COL4A5: variants seen among roughly 807,000 people sequenced by gnomAD.
COL4A5 encodes collagen alpha-5(IV) chain.
A neutral mutation model predicts 130.2 loss-of-function variants in COL4A5; 26 were observed. That is an observed-to-expected ratio of 0.20 (90% CI 0.15 to 0.28). The LOEUF (loss-of-function observed/expected upper bound fraction) is 0.28, where lower values mean the gene tolerates loss of function less well. Among genes scored for constraint, COL4A5 ranks in the 10% least tolerant of loss-of-function variants. The pLI is 1.00. For synonymous variants in COL4A5, 496 were observed against 439.6 expected, an observed-to-expected ratio of 1.13 and a Z score of -1.60; for missense variants, 1,131 against 1,344.3, an observed-to-expected ratio of 0.84 and a Z score of 2.48.
At chrX:108,529,980 G>T (rs2065364486) in intron 1 of COL4A5, among the ~76,000 whole-genome samples, 2 of 111,261 alleles carry the variant, frequency 1.8e-5, no homozygotes, top group South Asian at 7.6e-4. Context: ...TCCACTCTCA[G>T]CATTTAGACA....
chrX:108,678,932 TC>T (rs1352810168), intron 44 of COL4A5, among the ~76,000 whole-genome samples: 1 of 111,773 alleles, frequency 8.9e-6, no homozygotes, highest in Non-Finnish European at 1.9e-5. Context: ...TTTCTTTTTT[TC>T]ATGACCTCGA....
At chrX:108,605,966 C>G (rs1459918657) in intron 28 of COL4A5, among the ~76,000 whole-genome samples, 1 of 111,896 alleles carries the variant, frequency 8.9e-6, no homozygotes, top group East Asian at 2.8e-4. Flanking sequence ...GTTAAGCTTT[C>G]CTGAGTCAAC....
intron 37 of COL4A5, among the ~76,000 whole-genome samples, chrX:108,664,993 A>G (rs2068046949): frequency 8.9e-6 from 1 of 112,262 alleles, no homozygotes; most frequent in Non-Finnish European, 1.9e-5. Context: ...GTTTTTAAAT[A>G]AAACACAACA....
At position 108,614,935 on chromosome X, in the gene COL4A5, C is replaced by A; in HGVS notation, c.2420C>A (p.Pro807His). 1 of 1,209,499 alleles carries A rather than the reference C, an allele frequency of 8.3e-7. No individual in the cohort carries two copies. Among genetic ancestry groups the A allele is most frequent in the Non-Finnish European group, 1.1e-6 (1 of 893,605 alleles). ...GGTGATGTTGGACCAAATGGACAAC[C>A]TGGACCAATGGGACCTCCTGGGCTG... Reference protein sequence around the residue: ...PKGDVGPNGQPGPMGPPGLPG... With the variant: ...PKGDVGPNGQHGPMGPPGLPG... The change falls in exon 30 of 53, where the codon CCT becomes CAT. Residue 807 changes from proline to histidine, a missense_variant. Pro to His is a moderately conservative substitution (Grantham distance 77). Transcript: ENST00000328300.
At chrX:108,668,234 G>A (rs750503789) in intron 40 of COL4A5, 85 bp from the exon 41 acceptor site, 34 of 894,897 alleles carry the variant, frequency 3.8e-5, no homozygotes, top group Non-Finnish European at 5.1e-5. Context: ...TCCATTAATT[G>A]CCCTAATGTA....
In COL4A5 at chrX:108,539,952, A is replaced by G. The variant is rs1259261605; in HGVS notation, c.141+147A>G. On this transcript the variant is annotated intron_variant, in intron 2 of 52. Transcript: ENST00000328300. ...GCATTGCTTATTTTAGAGAGCTTATAAGGATTAGATTATATCTTAAGGTCA... is the reference window on the plus strand; with the variant it reads ...GCATTGCTTATTTTAGAGAGCTTATGAGGATTAGATTATATCTTAAGGTCA... 1.2e-5 allele frequency: 6 copies of G among 507,909 alleles called. No homozygotes were observed. The East Asian group carries it at 1.9e-4, about 16-fold the overall frequency. 41.9% of individuals were successfully genotyped at this position (507,909 alleles called of 1,213,427 possible).
chrX:108,442,816 G>C (rs1457444644), intron 1 of COL4A5: 1 of 111,356 alleles, frequency 9.0e-6, no homozygotes, highest in East Asian at 2.8e-4. Flanking sequence ...GTGCTAATAT[G>C]ATAATACATA....
chrX:108,655,558 C>A, intron 37 of COL4A5, 101 bp downstream of exon 37: 1 of 948,239 alleles, frequency 1.1e-6, no homozygotes, highest in South Asian at 2.0e-5. Context: ...ATTTTATTTC[C>A]CAATCAGATA....
intron 1 of COL4A5, among the ~76,000 whole-genome samples, chrX:108,501,018 T>A (rs945703717): frequency 1.8e-5 from 2 of 110,629 alleles, no homozygotes; most frequent in Non-Finnish European, 3.8e-5. Flanking sequence ...GGTGAAAAAA[T>A]TTGCCTAATT....
chrX:108,473,631 A>ATTTTTTTTTT (rs1406126217), intron 1 of COL4A5, among the ~76,000 whole-genome samples: 13 of 26,474 alleles, frequency 4.9e-4, no homozygotes, highest in African/African-American at 1.8e-3. Flanking sequence ...ATATATATAT[A>ATTTTTTTTTT]TATTTTTTTT....
In COL4A5 at chrX:108,475,746, C is replaced by T. The variant is rs190966141; in HGVS notation, c.81+35540C>T. On this transcript the variant is annotated intron_variant, in intron 1 of 52. Transcript: ENST00000328300. ...CTTCATGTTTTACTAACTCTGGCAC[C>T]AAAACTCAATTGATCGCAAAAACTG... Among the ~76,000 whole-genome samples the T allele has an allele frequency of 3.6e-5, 4 of 110,879 alleles. No individual in the cohort carries two copies. In the East Asian group the frequency reaches 1.1e-3, roughly 31 times the overall value.
intron 1 of COL4A5, among the ~76,000 whole-genome samples, chrX:108,453,708 G>T (rs1324674943): frequency 9.0e-6 from 1 of 111,494 alleles, no homozygotes; most frequent in Non-Finnish European, 1.9e-5. Flanking sequence ...ATTAATGAAA[G>T]ATGATAACTA....
chrX:108,615,080 C>G (rs2066903667), intron 30 of COL4A5, 56 bp downstream of exon 30: 5 of 850,937 alleles, frequency 5.9e-6, no homozygotes, highest in Non-Finnish European at 8.7e-6. Context: ...CATTTGTTAG[C>G]TCATCAATAA....
intron 1 of COL4A5, among the ~76,000 whole-genome samples, chrX:108,527,598 C>A (rs1210442464): frequency 1.8e-5 from 2 of 111,926 alleles, no homozygotes; most frequent in Non-Finnish European, 3.8e-5. Flanking sequence ...TGGCTGCTAC[C>A]ACCCCTCACC....
At chrX:108,460,751 G>C (rs766742074) in intron 1 of COL4A5, among the ~76,000 whole-genome samples, 286 of 91,617 alleles carry the variant, frequency 3.1e-3, no homozygotes, top group African/African-American at 0.011. Context: ...CAAGTAATCC[G>C]CCTGCCTCGG....
intron 44 of COL4A5, among the ~76,000 whole-genome samples, chrX:108,678,031 T>G (rs1309860852): frequency 8.9e-6 from 1 of 111,912 alleles, no homozygotes; most frequent in Non-Finnish European, 1.9e-5. Context: ...GGGTCAAATG[T>G]CAGCTCCCCT....
intron 2 of COL4A5, among the ~76,000 whole-genome samples, chrX:108,555,954 A>G (rs1342494370): frequency 1.8e-5 from 2 of 112,356 alleles, no homozygotes. Context: ...AAGTTTATTC[A>G]TTGAATGAGA....
rs193222358 is a variant in COL4A5, at chrX:108,466,857, A to G, written c.81+26651A>G. Reference sequence around the variant, plus strand: ...CTGCCTCCCAAGCAGCTGGGATTCCAGCCCTATTTTCAAGTTGGGCCGTTT... The same window carrying G: ...CTGCCTCCCAAGCAGCTGGGATTCCGGCCCTATTTTCAAGTTGGGCCGTTT... On this transcript the variant is annotated intron_variant, in intron 1 of 52. Coordinates refer to ENST00000328300, the MANE Select transcript of COL4A5 (RefSeq NM_033380.3). 9.0e-5 allele frequency among the ~76,000 whole-genome samples: 10 copies of G among 110,669 alleles called. 1 individual carries two copies. In the Admixed American group the frequency reaches 9.7e-4, roughly 11 times the overall value.
At chrX:108,609,612 A>G (rs1402768804) in intron 29 of COL4A5, among the ~76,000 whole-genome samples, 1 of 111,536 alleles carries the variant, frequency 9.0e-6, no homozygotes, top group African/African-American at 3.2e-5. Context: ...ATTTTTTCTT[A>G]TATGATTATA....
Sources: gnomAD v4.1 joint callset for allele counts (sites outside exome capture counted in the v4.1 genomes callset) on GRCh38, gnomAD v4.1.1 for gene constraint, MANE v1.5 for transcripts, NCBI Gene and HGNC (gene_info 2026-07-23, HGNC 2026-07-21) for gene names.